LPP: variants seen among roughly 807,000 people sequenced by gnomAD.
The protein encoded by LPP is LIM domain containing preferred translocation partner in lipoma.
A neutral mutation model predicts 60.4 loss-of-function variants in LPP; 38 were observed. The ratio of observed to expected loss-of-function variants is 0.63; its 90% confidence interval spans 0.49 to 0.83. The LOEUF is 0.83. Ranked by LOEUF, LPP falls within the 40% of genes least tolerant of loss-of-function variation. The pLI is 0.00. For synonymous variants in LPP, 328 were observed against 290.8 expected, an observed-to-expected ratio of 1.13 and a Z score of -1.30; for missense variants, 902 against 783.6, an observed-to-expected ratio of 1.15 and a Z score of -1.80.
intron 1 of LPP, among the ~76,000 whole-genome samples, chr3:188,169,496 C>T (rs999270972): frequency 6.6e-6 from 1 of 152,142 alleles, no homozygotes; most frequent in African/African-American, 2.4e-5. Context: ...GACAGTATTT[C>T]CCAAAGTGTT....
intron 3 of LPP, among the ~76,000 whole-genome samples, chr3:188,343,066 T>G (rs147965856): frequency 8.1e-4 from 123 of 152,302 alleles, no homozygotes; most frequent in African/African-American, 2.9e-3. Context: ...ACATGCAGGA[T>G]TTTTACGTAG....
chr3:188,778,612 G>A (rs926999328), intron 9 of LPP, among the ~76,000 whole-genome samples: 17 of 152,062 alleles, frequency 1.1e-4, no homozygotes, highest in African/African-American at 2.7e-4. Context: ...GCTAGTGTAC[G>A]TAGTAAATAG....
intron 4 of LPP, among the ~76,000 whole-genome samples, chr3:188,466,811 A>ATC (rs1190038834): frequency 1.0e-4 from 10 of 96,506 alleles, no homozygotes; most frequent in South Asian, 1.0e-3. Flanking sequence ...CAGAACATAT[A>ATC]TATATATATA....
Position 188,333,005 on chromosome 3 carries a change from T to G in LPP, c.-66-8658T>G, listed in dbSNP as rs1050769411. Among the ~76,000 whole-genome samples the G allele has an allele frequency of 6.2e-5, 9 of 144,524 alleles. No homozygotes were observed. The South Asian group carries it at 8.9e-4, about 14-fold the overall frequency. The allele number at this position is 144,524 out of a possible 152,430, so 94.8% of individuals were successfully genotyped here. A position where few individuals can be genotyped will look rare whatever the true frequency, so the allele number is the denominator to read the frequency against. On this transcript the variant is annotated intron_variant, in intron 2 of 11. Coordinates refer to ENST00000617246, the MANE Select transcript of LPP (RefSeq NM_001375462.1). ...CAACAGAATAACATAAAGATAGGTG[T>G]GGTGACATTATAGGCTCACTTCTGG...
intron 6 of LPP, among the ~76,000 whole-genome samples, chr3:188,592,561 T>TTGTTGTTG (rs1839070707): frequency 7.3e-6 from 1 of 136,808 alleles, no homozygotes; most frequent in Non-Finnish European, 1.6e-5. Context: ...GTTTTTGTTT[T>TTGTTGTTG]TTAAATGGAG....
At position 188,248,468 on chromosome 3, in the gene LPP, T is replaced by TTATATATATATATATATATATATA. The variant is rs55811112; in HGVS notation, c.-67+22948_-67+22971dup. Among the ~76,000 whole-genome samples, 428 of 84,006 alleles carry TTATATATATATATATATATATATA rather than the reference T, an allele frequency of 5.1e-3. 20 individuals carry two copies. Among genetic ancestry groups the TTATATATATATATATATATATATA allele is most frequent in the African/African-American group, 8.5e-3 (159 of 18,794 alleles). The allele number at this position is 84,006 out of a possible 152,430, so 55.1% of individuals were successfully genotyped here. A position where few individuals can be genotyped will look rare whatever the true frequency, so the allele number is the denominator to read the frequency against. On this transcript the variant is annotated intron_variant, in intron 2 of 11. Coordinates refer to ENST00000617246, the MANE Select transcript of LPP (RefSeq NM_001375462.1). ...CCTAGTGTTCAGCTGCAGTATAACT[T>TTATATATATATATATATATATATA]TATATATATATATATATATATATAT...
At chr3:188,296,529 A>C (rs571364047) in intron 2 of LPP, among the ~76,000 whole-genome samples, 3 of 152,276 alleles carry the variant, frequency 2.0e-5, no homozygotes, top group Admixed American at 1.3e-4. Flanking sequence ...TTGAAACTGA[A>C]TTTAGCCTCT....
chr3:188,184,921 A>G (rs1726147075), intron 1 of LPP, among the ~76,000 whole-genome samples: 1 of 152,064 alleles, frequency 6.6e-6, no homozygotes, highest in Non-Finnish European at 1.5e-5. Flanking sequence ...AAGGCTCCAG[A>G]TGCTGAGATG....
At position 188,352,689 on chromosome 3, in the gene LPP, T is replaced by A. The variant is rs1444072546; in HGVS notation, c.-10+10970T>A. 2.5e-5 allele frequency among the ~76,000 whole-genome samples: 2 copies of A among 81,016 alleles called. No homozygotes were observed. Among genetic ancestry groups the A allele is most frequent in the Admixed American group, 1.4e-4 (1 of 7,346 alleles). 53.1% of individuals were successfully genotyped at this position (81,016 alleles called of 152,430 possible). A position where few individuals can be genotyped will look rare whatever the true frequency, so the allele number is the denominator to read the frequency against. On this transcript the variant is annotated intron_variant, in intron 3 of 11. Transcript: ENST00000617246. This position sits in a 1 kb window ranked among gnomAD's most constrained non-coding sequence, Gnocchi z 4.4. ...GGAGGTCAGGTCTTGTTTCCCTGCT[T>A]GTTGATGTTCCAGCTGCATGCACGG...
chr3:188,309,351 A>G (rs1752664226), intron 2 of LPP, among the ~76,000 whole-genome samples: 1 of 152,072 alleles, frequency 6.6e-6, no homozygotes, highest in African/African-American at 2.4e-5. Context: ...TATACAGTGG[A>G]GGAGAGTAAT....
At chr3:188,700,712 T>A (rs1341120030) in intron 7 of LPP, among the ~76,000 whole-genome samples, 1 of 152,204 alleles carries the variant, frequency 6.6e-6, no homozygotes, top group East Asian at 1.9e-4. Context: ...AAGTTCTGGA[T>A]GTTTCAGGGG....
intron 6 of LPP, among the ~76,000 whole-genome samples, chr3:188,594,057 T>C (rs1312408347): frequency 6.6e-6 from 1 of 152,180 alleles, no homozygotes; most frequent in Non-Finnish European, 1.5e-5. Flanking sequence ...CTAAGTGTTA[T>C]GAAAGGCTGA....
intron 2 of LPP, among the ~76,000 whole-genome samples, chr3:188,293,387 G>T (rs911733928): frequency 1.3e-5 from 2 of 152,170 alleles, no homozygotes; most frequent in Non-Finnish European, 2.9e-5. Context: ...AGAGCTCTTT[G>T]TATACTGAAA....
At chr3:188,683,479 A>C (rs1281281305) in intron 7 of LPP, among the ~76,000 whole-genome samples, 1 of 151,966 alleles carries the variant, frequency 6.6e-6, no homozygotes, top group Non-Finnish European at 1.5e-5. Context: ...GGAAGTTTCT[A>C]TTTGCACATT....
At chr3:188,829,974 C>T (rs1023426206) in intron 9 of LPP, among the ~76,000 whole-genome samples, 3 of 148,628 alleles carry the variant, frequency 2.0e-5, no homozygotes. Flanking sequence ...GAGTTTCAGA[C>T]CAGCGTGGAC....
chr3:188,196,412 T>G (rs1013317818), intron 1 of LPP, among the ~76,000 whole-genome samples: 1 of 152,140 alleles, frequency 6.6e-6, no homozygotes, highest in African/African-American at 2.4e-5. Context: ...CTCCTCTCTG[T>G]CCTTCACTCT....
chr3:188,687,775 C>CTTTTTTTTTTTTTTTTTTTTT (rs61574227), intron 7 of LPP, among the ~76,000 whole-genome samples: 1 of 127,124 alleles, frequency 7.9e-6, no homozygotes. Flanking sequence ...GTCTTATACT[C>CTTTTTTTTTTTTTTTTTTTTT]TTTTTTTTTT....
At chr3:188,520,797 G>A (rs558666400) in intron 5 of LPP, among the ~76,000 whole-genome samples, 3 of 152,272 alleles carry the variant, frequency 2.0e-5, no homozygotes, top group African/African-American at 7.2e-5. Flanking sequence ...ATAAAAGTTT[G>A]TGGTGGTAAC....
At chr3:188,743,923 A>C (rs1725277289) in intron 8 of LPP, 1 of 152,180 alleles carries the variant, frequency 6.6e-6, no homozygotes. Flanking sequence ...CTGGTTTGGC[A>C]TGCGTCTTCT....
Sources: allele counts gnomAD v4.1 joint callset (sites outside exome capture counted in the v4.1 genomes callset), GRCh38; gene constraint gnomAD v4.1.1; non-coding constraint Gnocchi (gnomAD v3.1); transcripts MANE v1.5; gene names NCBI Gene and HGNC (gene_info 2026-07-23, HGNC 2026-07-21).